The following PIP5K1B variants were observed in gnomAD, a reference collection of about 807,000 sequenced individuals.
The protein encoded by PIP5K1B is phosphatidylinositol-4-phosphate 5-kinase type 1 beta, also known as phosphatidylinositol 4-phosphate 5-kinase type-1 beta.
A neutral mutation model predicts 67.0 loss-of-function variants in PIP5K1B; 42 were observed. The ratio of observed to expected loss-of-function variants is 0.63; its 90% confidence interval spans 0.49 to 0.81. The LOEUF (loss-of-function observed/expected upper bound fraction) is 0.81, where lower values mean the gene tolerates loss of function less well. PIP5K1B is among the 30% of genes least tolerant of loss of function. The probability of loss-of-function intolerance (pLI) is 0.00; values close to 1 mark genes in which losing one functional copy is unlikely to be tolerated. For synonymous variants in PIP5K1B, 214 were observed against 231.4 expected, an observed-to-expected ratio of 0.92 and a Z score of 0.68; for missense variants, 459 against 646.3, an observed-to-expected ratio of 0.71 and a Z score of 3.14.
intron 14 of PIP5K1B, among the ~76,000 whole-genome samples, chr9:68,969,691 C>T (rs1471243643): frequency 6.6e-6 from 1 of 152,176 alleles, no homozygotes; most frequent in African/African-American, 2.4e-5. Context: ...TGTACCTGAG[C>T]ACATCCTCCC....
intron 2 of PIP5K1B, among the ~76,000 whole-genome samples, chr9:68,798,178 TAAGA>T (rs1832400041): frequency 6.6e-6 from 1 of 152,234 alleles, no homozygotes. Context: ...GTTTGTCTTA[TAAGA>T]AAGAAATTTT....
chr9:68,842,931 T>G (rs957938862), intron 4 of PIP5K1B, among the ~76,000 whole-genome samples: 11 of 152,358 alleles, frequency 7.2e-5, no homozygotes, highest in Non-Finnish European at 1.3e-4. Flanking sequence ...TGGTATAGTC[T>G]GTGAACTGAA....
chr9:68,771,614 C>G (rs1012805485), intron 2 of PIP5K1B, among the ~76,000 whole-genome samples: 6 of 152,110 alleles, frequency 3.9e-5, no homozygotes, highest in African/African-American at 1.4e-4. Flanking sequence ...TCCTAGAAAT[C>G]GAATGAGTTA....
At chr9:68,988,277 T>A (rs1019760228) in intron 14 of PIP5K1B, among the ~76,000 whole-genome samples, 1 of 151,594 alleles carries the variant, frequency 6.6e-6, no homozygotes, top group African/African-American at 2.4e-5. Context: ...TAAAAAAAAA[T>A]TTAAAAGAAA....
intron 2 of PIP5K1B, chr9:68,780,842 T>C (rs1354286218): frequency 6.2e-7 from 1 of 1,614,150 alleles, no homozygotes; most frequent in Non-Finnish European, 8.5e-7. Flanking sequence ...ACATGCTTTC[T>C]TCTGACGTTG....
intron 4 of PIP5K1B, among the ~76,000 whole-genome samples, chr9:68,830,632 C>T (rs1033447910): frequency 6.6e-6 from 1 of 152,130 alleles, no homozygotes; most frequent in South Asian, 2.1e-4. Context: ...CTCTAAAACG[C>T]GAACTATAGG....
intron 14 of PIP5K1B, among the ~76,000 whole-genome samples, chr9:68,941,816 CT>C (rs1827575499): frequency 6.6e-6 from 1 of 152,112 alleles, no homozygotes. Flanking sequence ...CTAGCTTAGT[CT>C]TTTGGTAAGT....
At chr9:68,821,859 G>A (rs1207793878) in intron 3 of PIP5K1B, among the ~76,000 whole-genome samples, 2 of 152,114 alleles carry the variant, frequency 1.3e-5, no homozygotes, top group Admixed American at 6.6e-5. Context: ...ACACAGTGGT[G>A]TCCACACAGT....
Position 68,754,254 on chromosome 9 carries a change from C to G in PIP5K1B, c.-86+11597C>G, listed in dbSNP as rs1587392614. Among the ~76,000 whole-genome samples, 3 of 135,118 alleles carry G rather than the reference C, an allele frequency of 2.2e-5. No homozygotes were observed. The South Asian group carries it at 7.2e-4, about 33-fold the overall frequency. The allele number at this position is 135,118 out of a possible 152,430, so 88.6% of individuals were successfully genotyped here. On this transcript the variant is annotated intron_variant, in intron 2 of 15. Transcript: ENST00000265382. Reference sequence around the variant, plus strand: ...GCGCGATCTTGGCTCACTGCAAGCTCCACCCCCCGGGTTCACGCCATTCTC... The same window carrying G: ...GCGCGATCTTGGCTCACTGCAAGCTGCACCCCCCGGGTTCACGCCATTCTC...
At chr9:68,924,404 A>AGG (rs1564238782) in intron 12 of PIP5K1B, among the ~76,000 whole-genome samples, 1 of 112,308 alleles carries the variant, frequency 8.9e-6, no homozygotes, top group Admixed American at 1.1e-4. Context: ...TGCGCCTCAA[A>AGG]AAAAAAAAAA....
In PIP5K1B at chr9:68,789,595, A is replaced by T. The variant is rs192628535; in HGVS notation, c.-85-28866A>T. Reference sequence around the variant, plus strand: ...TCAAAAAAGTATTCACAAACAGAACAGTGTACCACACTTCTCCAGTGTTTC... The same window carrying T: ...TCAAAAAAGTATTCACAAACAGAACTGTGTACCACACTTCTCCAGTGTTTC... On this transcript the variant is annotated intron_variant, in intron 2 of 15. Transcript: ENST00000265382. 1.1e-5 allele frequency: 5 copies of T among 441,304 alleles called. No homozygotes were observed. In the Admixed American group the frequency reaches 1.3e-4, roughly 12 times the overall value. The allele number at this position is 441,304 out of a possible 1,614,324, so 27.3% of individuals were successfully genotyped here.
At chr9:68,715,240 G>T (rs540189159) in intron 1 of PIP5K1B, among the ~76,000 whole-genome samples, 2 of 152,210 alleles carry the variant, frequency 1.3e-5, no homozygotes, top group Admixed American at 6.5e-5. Flanking sequence ...GGGGCTGGGG[G>T]TGCTGGACAG....
chr9:68,881,521 C>A (rs1406261271), intron 6 of PIP5K1B, among the ~76,000 whole-genome samples: 1 of 152,140 alleles, frequency 6.6e-6, no homozygotes, highest in African/African-American at 2.4e-5. Flanking sequence ...ATTGGTAACT[C>A]CATACTTAGG....
rs74308342 is a variant in PIP5K1B at position 68,814,906 on chromosome 9, C to T, written c.-85-3555C>T. 3.1e-3 allele frequency among the ~76,000 whole-genome samples: 479 copies of T among 152,100 alleles called. 12 individuals carry two copies. In the East Asian group the frequency reaches 0.075, roughly 24 times the overall value. Reference sequence around the variant, plus strand: ...TTCGTATTTGTATATAGTGTTTATACCCTAAAAACACAGAATCTGCATTTT... The same window carrying T: ...TTCGTATTTGTATATAGTGTTTATATCCTAAAAACACAGAATCTGCATTTT... On this transcript the variant is annotated intron_variant, in intron 2 of 15. Coordinates refer to ENST00000265382, the MANE Select transcript of PIP5K1B (RefSeq NM_003558.4).
intron 12 of PIP5K1B, among the ~76,000 whole-genome samples, chr9:68,924,692 A>G (rs1258909295): frequency 6.6e-6 from 1 of 152,184 alleles, no homozygotes; most frequent in Non-Finnish European, 1.5e-5. Flanking sequence ...AATTTCATAA[A>G]CTAAAACATG....
intron 6 of PIP5K1B, among the ~76,000 whole-genome samples, chr9:68,883,413 C>G (rs1395334641): frequency 6.6e-6 from 1 of 152,212 alleles, no homozygotes; most frequent in Non-Finnish European, 1.5e-5. Context: ...GCAAGGCTAA[C>G]AGAAAGAAGG....
chr9:68,866,018 A>G (rs945572), intron 5 of PIP5K1B, among the ~76,000 whole-genome samples: 143,959 of 152,322 alleles, frequency 0.95, 68,100 homozygotes, highest in East Asian at 1. Context: ...AGCACTTTGC[A>G]TCTTTGGCCT....
chr9:68,937,535 T>A (rs2132621123), intron 13 of PIP5K1B, among the ~76,000 whole-genome samples: 1 of 152,330 alleles, frequency 6.6e-6, no homozygotes, highest in Admixed American at 6.5e-5. Flanking sequence ...TCTATTTTGT[T>A]GATCTTTTCA....
chr9:68,757,121 AG>A (rs1478528506), intron 2 of PIP5K1B, among the ~76,000 whole-genome samples: 4 of 152,174 alleles, frequency 2.6e-5, no homozygotes, highest in Admixed American at 6.5e-5. Context: ...CAGTTTCCCA[AG>A]AACAGAAACA....
Sources: allele counts gnomAD v4.1 joint callset (sites outside exome capture counted in the v4.1 genomes callset), GRCh38; gene constraint gnomAD v4.1.1; transcripts MANE v1.5; gene names NCBI Gene and HGNC (gene_info 2026-07-23, HGNC 2026-07-21).